The following NELL1 variants were observed in gnomAD, a reference collection of about 807,000 sequenced individuals.
The protein encoded by NELL1 is protein kinase C-binding protein NELL1.
NELL1 carries 76 observed loss-of-function variants against 107.4 expected under a neutral mutation model. That is an observed-to-expected ratio of 0.71 (90% CI 0.59 to 0.86). The LOEUF (loss-of-function observed/expected upper bound fraction) is 0.86. Among genes scored for constraint, NELL1 ranks in the 40% least tolerant of loss-of-function variants. The pLI, the probability that NELL1 is intolerant of heterozygous loss-of-function variation, is 0.00. For missense variants in NELL1, 1,024 were observed against 1,005.5 expected (o/e 1.02, Z -0.25); for synonymous variants, 353 against 341.2 (o/e 1.03, Z -0.38).
intron 14 of NELL1, among the ~76,000 whole-genome samples, chr11:21,266,713 T>C (rs535119731): frequency 6.6e-6 from 1 of 152,222 alleles, no homozygotes; most frequent in African/African-American, 2.4e-5. Context: ...GTCCTCTTCC[T>C]AGCCTAGTCC....
At chr11:21,404,268 G>T (rs11026071) in intron 15 of NELL1, among the ~76,000 whole-genome samples, 17,235 of 151,688 alleles carry the variant, frequency 0.11, 1,074 homozygotes, top group African/African-American at 0.16. Context: ...TCCTTTTACT[G>T]GACCCACAGT....
chr11:20,726,246 G>T (rs191512612), intron 2 of NELL1, among the ~76,000 whole-genome samples: 1 of 152,066 alleles, frequency 6.6e-6, no homozygotes, highest in Admixed American at 6.5e-5. Context: ...TTTTTTTTGG[G>T]ATATATACCC....
chr11:21,336,651 GTATATA>G (rs71034503), intron 14 of NELL1, among the ~76,000 whole-genome samples: 4 of 132,042 alleles, frequency 3.0e-5, no homozygotes, highest in African/African-American at 2.8e-5. Flanking sequence ...ATATGTGTGT[GTATATA>G]TATATATATA....
chr11:21,479,874 C>T (rs188007327), intron 15 of NELL1, among the ~76,000 whole-genome samples: 22 of 148,110 alleles, frequency 1.5e-4, no homozygotes, highest in Admixed American at 1.1e-3. Context: ...ATTCTCCTTC[C>T]GGTTTTGCAC....
At chr11:20,710,826 G>A (rs1050254759) in intron 2 of NELL1, among the ~76,000 whole-genome samples, 1 of 152,026 alleles carries the variant, frequency 6.6e-6, no homozygotes, top group Non-Finnish European at 1.5e-5. Context: ...GGTGTTCACA[G>A]TAGCCTTGAA....
At chr11:21,306,314 A>G (rs1167114424) in intron 14 of NELL1, among the ~76,000 whole-genome samples, 1 of 152,064 alleles carries the variant, frequency 6.6e-6, no homozygotes, top group Non-Finnish European at 1.5e-5. Flanking sequence ...GATCAATTAA[A>G]TGGAACATCT....
chr11:21,262,404 T>C (rs757820558), intron 14 of NELL1: 1 of 151,902 alleles, frequency 6.6e-6, no homozygotes, highest in African/African-American at 2.4e-5. Flanking sequence ...TGAGAAAGAC[T>C]ACATGGGAGA....
intron 12 of NELL1, among the ~76,000 whole-genome samples, chr11:21,098,956 G>C (rs1854725776): frequency 6.6e-6 from 1 of 151,368 alleles, no homozygotes; most frequent in Non-Finnish European, 1.5e-5. Context: ...TTAACCTTCA[G>C]AAAATTATTA....
intron 14 of NELL1, among the ~76,000 whole-genome samples, chr11:21,261,370 TC>T (rs768468322): frequency 6.6e-6 from 1 of 151,742 alleles, no homozygotes; most frequent in Non-Finnish European, 1.5e-5. Flanking sequence ...TTTGAAAGGC[TC>T]CAGTGTGTTG....
intron 13 of NELL1, among the ~76,000 whole-genome samples, chr11:21,198,365 C>T (rs1003132579): frequency 3.3e-5 from 5 of 152,146 alleles, no homozygotes; most frequent in African/African-American, 1.2e-4. Context: ...CAGATTCAAA[C>T]GGAGGGCAAT....
chr11:21,200,407 C>G (rs920373399), intron 13 of NELL1, among the ~76,000 whole-genome samples: 3 of 152,112 alleles, frequency 2.0e-5, no homozygotes, highest in African/African-American at 4.8e-5. Context: ...TGATGATGAG[C>G]TTTTTTTCAT....
chr11:21,033,857 C>T (rs1404527045), intron 12 of NELL1, among the ~76,000 whole-genome samples: 3 of 152,120 alleles, frequency 2.0e-5, no homozygotes, highest in Non-Finnish European at 4.4e-5. Flanking sequence ...CTTCTACTAA[C>T]CCTGTATAAG....
chr11:20,686,087 A>G (rs190248720), intron 2 of NELL1, among the ~76,000 whole-genome samples: 2 of 152,140 alleles, frequency 1.3e-5, no homozygotes, highest in South Asian at 4.1e-4. Flanking sequence ...AGTGTAAAAA[A>G]AAAACAGTTC....
chr11:21,232,302 C>A (rs1047112295), intron 14 of NELL1, among the ~76,000 whole-genome samples: 11 of 148,128 alleles, frequency 7.4e-5, no homozygotes, highest in Admixed American at 6.8e-4. Flanking sequence ...TGCACTCCAG[C>A]CTGGGGGACA....
At chr11:21,489,708 T>C (rs1854749174) in intron 15 of NELL1, among the ~76,000 whole-genome samples, 1 of 152,060 alleles carries the variant, frequency 6.6e-6, no homozygotes, top group East Asian at 1.9e-4. Flanking sequence ...AATGATCATC[T>C]CAATAGACAC....
intron 12 of NELL1, among the ~76,000 whole-genome samples, chr11:21,108,929 TCA>T (rs1452717916): frequency 6.6e-6 from 1 of 152,122 alleles, no homozygotes; most frequent in East Asian, 1.9e-4. Context: ...TCTAACATAA[TCA>T]CAGTCATAAA....
intron 14 of NELL1, among the ~76,000 whole-genome samples, chr11:21,349,237 A>G (rs976820097): frequency 6.6e-6 from 1 of 152,170 alleles, no homozygotes; most frequent in African/African-American, 2.4e-5. Context: ...AGGAGTTGAA[A>G]TGTGCCACTC....
intron 12 of NELL1, among the ~76,000 whole-genome samples, chr11:21,052,236 C>T (rs1490029234): frequency 1.3e-5 from 2 of 151,980 alleles, no homozygotes; most frequent in African/African-American, 4.8e-5. Context: ...TTAGGGTAGG[C>T]AGGATCTCCA....
At chr11:21,379,761 C>T (rs894384824) in intron 15 of NELL1, among the ~76,000 whole-genome samples, 4 of 151,966 alleles carry the variant, frequency 2.6e-5, no homozygotes, top group Non-Finnish European at 5.9e-5. Context: ...GGTATGTAGA[C>T]AGAGAGTAAT....
Sources: gnomAD v4.1 joint callset for allele counts (sites outside exome capture counted in the v4.1 genomes callset) on GRCh38, gnomAD v4.1.1 for gene constraint, MANE v1.5 for transcripts, NCBI Gene and HGNC (gene_info 2026-07-23, HGNC 2026-07-21) for gene names.